Variants in CEP128 observed in about 807,000 individuals in gnomAD.
CEP128 encodes centrosomal protein 128.
CEP128 carries 132 observed loss-of-function variants against 156.7 expected under a neutral mutation model. The observed-to-expected ratio is 0.84, with a 90% CI of 0.73 to 0.97. The LOEUF is 0.97. CEP128 is among the 50% of genes least tolerant of loss of function. CEP128 has a pLI of 0.00. For synonymous variants in CEP128, 469 were observed against 448.9 expected (o/e 1.04, Z -0.57); for missense variants, 1,252 against 1,281.9 (o/e 0.98, Z 0.36).
chr14:80,844,210 C>T (rs988773279), intron 9 of CEP128, among the ~76,000 whole-genome samples: 6 of 151,194 alleles, frequency 4.0e-5, no homozygotes, highest in South Asian at 4.2e-4. Context: ...AACAAAACAA[C>T]GCATTCACAT....
chr14:80,501,907 C>T (rs551304762), intron 24 of CEP128, among the ~76,000 whole-genome samples: 3 of 152,094 alleles, frequency 2.0e-5, no homozygotes, highest in East Asian at 1.9e-4. Flanking sequence ...CACAAGTGTG[C>T]CTGTCAGTTT....
intron 4 of CEP128, among the ~76,000 whole-genome samples, chr14:80,908,600 A>G (rs1450805750): frequency 1.3e-5 from 2 of 152,170 alleles, no homozygotes. Context: ...TGAACATGTT[A>G]TTCATGGTTA....
At chr14:80,777,009 T>A (rs904711512) in intron 16 of CEP128, among the ~76,000 whole-genome samples, 1 of 152,194 alleles carries the variant, frequency 6.6e-6, no homozygotes, top group East Asian at 1.9e-4. Context: ...CTGGTGGGGA[T>A]GTACCAAAGT....
intron 10 of CEP128, 57 bp downstream of exon 10, chr14:80,840,625 A>C: frequency 9.1e-7 from 1 of 1,103,552 alleles, no homozygotes; most frequent in Non-Finnish European, 1.4e-6. Context: ...GGCACTCAAC[A>C]AATACCATTG....
intron 20 of CEP128, among the ~76,000 whole-genome samples, chr14:80,576,092 C>G (rs1008303161): frequency 2.0e-5 from 3 of 151,600 alleles, no homozygotes; most frequent in Non-Finnish European, 4.4e-5. Flanking sequence ...CAGAAAGCAA[C>G]ATGGGGAAAG....
At chr14:80,550,602 A>G (rs1195230077) in intron 21 of CEP128, among the ~76,000 whole-genome samples, 6 of 151,778 alleles carry the variant, frequency 4.0e-5, no homozygotes, top group Admixed American at 3.9e-4. Flanking sequence ...CTAATATAAA[A>G]TATATTTATG....
At position 80,840,738 on chromosome 14, in the gene CEP128, C is replaced by A. The variant is rs751553972; in HGVS notation, c.793G>T (p.Glu265Ter). ...ALKKQEAKAD[E>*]HEGAIKNKLR... ...TTATTTTTTATTGCCCCCTCATGCT[C>A]ATCTGCTTTAGCTTCTTGTTTCTTT... The change falls in exon 10 of 25, where the codon GAG becomes TAG. Residue 265 changes from glutamate (E) to a stop codon, truncating the protein, a stop_gained. Transcript: ENST00000555265. LOFTEE classifies it high-confidence loss of function. The A allele has an allele frequency of 6.2e-7, 1 of 1,611,022 alleles. No individual in the cohort carries two copies. The highest frequency in any genetic ancestry group is 1.1e-5 in the South Asian group (1 of 90,658).
At chr14:80,822,465 C>T in intron 13 of CEP128, 1 of 546,894 alleles carries the variant, frequency 1.8e-6, no homozygotes, top group South Asian at 1.5e-5. Context: ...GAACCCCTAA[C>T]CAACCAAAGC....
intron 19 of CEP128, among the ~76,000 whole-genome samples, chr14:80,601,991 G>A (rs1467921825): frequency 2.0e-5 from 3 of 152,034 alleles, no homozygotes. Flanking sequence ...GTTTAGATTC[G>A]AAGACAAAAG....
intron 4 of CEP128, among the ~76,000 whole-genome samples, chr14:80,910,129 T>G (rs1884123689): frequency 6.6e-6 from 1 of 152,198 alleles, no homozygotes; most frequent in African/African-American, 2.4e-5. Context: ...TAGAACATAA[T>G]ATAATGTATA....
chr14:80,837,734 T>C (rs1886155188), intron 11 of CEP128, among the ~76,000 whole-genome samples: 1 of 152,114 alleles, frequency 6.6e-6, no homozygotes, highest in South Asian at 2.1e-4. Flanking sequence ...AAAATAAAAT[T>C]ACCCTTATCT....
At chr14:80,849,606 G>T (rs1052893826) in intron 9 of CEP128, among the ~76,000 whole-genome samples, 1 of 152,076 alleles carries the variant, frequency 6.6e-6, no homozygotes, top group Non-Finnish European at 1.5e-5. Context: ...TTTGAGCAAT[G>T]AATAATTAAT....
chr14:80,797,835 T>C (rs1274730728), intron 13 of CEP128, among the ~76,000 whole-genome samples: 1 of 152,172 alleles, frequency 6.6e-6, no homozygotes, highest in African/African-American at 2.4e-5. Context: ...GTAATAAATA[T>C]TATTTTCCTA....
downstream of CEP128, among the ~76,000 whole-genome samples, chr14:80,489,277 A>G: frequency 6.6e-6 from 1 of 151,122 alleles, no homozygotes; most frequent in East Asian, 1.9e-4. Context: ...TAAAAAAAAA[A>G]AAAAAAAAAA....
chr14:80,893,453 A>G (rs1889197382), intron 8 of CEP128, among the ~76,000 whole-genome samples: 1 of 151,518 alleles, frequency 6.6e-6, no homozygotes, highest in Non-Finnish European at 1.5e-5. Context: ...ACTGTACTAT[A>G]TATGGGATTC....
intron 19 of CEP128, among the ~76,000 whole-genome samples, chr14:80,734,907 C>T (rs1254035001): frequency 3.5e-5 from 5 of 141,732 alleles, no homozygotes; most frequent in African/African-American, 5.2e-5. Context: ...CATTACATTA[C>T]ATTCAAGAGA....
chr14:80,906,163 T>A, intron 4 of CEP128, 82 bp from the exon 5 acceptor site: 1 of 1,127,432 alleles, frequency 8.9e-7, no homozygotes, highest in Non-Finnish European at 1.2e-6. Context: ...TTTTCAAAGC[T>A]ATTTCTGAAA....
intron 21 of CEP128, among the ~76,000 whole-genome samples, chr14:80,534,604 T>A (rs375171106): frequency 9.9e-5 from 15 of 152,052 alleles, no homozygotes; most frequent in African/African-American, 3.6e-4. Context: ...GGCGGGTGGA[T>A]CATGAGGTCA....
At chr14:80,958,906 TAG>T (rs1392505068) in intron 1 of CEP128, among the ~76,000 whole-genome samples, 14 of 152,220 alleles carry the variant, frequency 9.2e-5, no homozygotes, top group Admixed American at 9.2e-4. Flanking sequence ...TTTGTTCCTG[TAG>T]AGTTATTTGC....
Sources: allele counts gnomAD v4.1 joint callset (sites outside exome capture counted in the v4.1 genomes callset), GRCh38; gene constraint gnomAD v4.1.1; transcripts MANE v1.5; gene names NCBI Gene and HGNC (gene_info 2026-07-23, HGNC 2026-07-21).